GPC6: variants seen among roughly 807,000 people sequenced by gnomAD.
GPC6 encodes the protein glypican-6.
In GPC6, 14 loss-of-function variants were observed where a neutral mutation model predicts 55.2. The observed-to-expected ratio is 0.25, with a 90% confidence interval of 0.17 to 0.40. The LOEUF is 0.40. GPC6 is among the 10% of genes least tolerant of loss of function. The pLI is 1.00. For missense variants in GPC6, 641 were observed against 708.5 expected (o/e 0.90, Z 1.08); for synonymous variants, 278 against 259.6 (o/e 1.07, Z -0.68).
intron 3 of GPC6, among the ~76,000 whole-genome samples, chr13:93,841,195 G>C (rs1887941347): frequency 6.6e-6 from 1 of 152,122 alleles, no homozygotes; most frequent in African/African-American, 2.4e-5. Context: ...AGAGGTTTAT[G>C]AGCCAAGATA....
At chr13:93,225,973 A>G (rs1875765316), upstream of GPC6, among the ~76,000 whole-genome samples, 1 of 152,186 alleles carries the variant, frequency 6.6e-6, no homozygotes, top group Non-Finnish European at 1.5e-5. Flanking sequence ...CTGCCAGCTG[A>G]CTTTAGTGCG....
intron 2 of GPC6, among the ~76,000 whole-genome samples, chr13:93,559,666 T>C (rs987345881): frequency 6.6e-6 from 1 of 152,210 alleles, no homozygotes; most frequent in Non-Finnish European, 1.5e-5. Context: ...ATACAGCGTT[T>C]ATTAAGTAGC....
At chr13:94,154,110 G>A (rs934876072) in intron 4 of GPC6, 7 of 152,058 alleles carry the variant, frequency 4.6e-5, no homozygotes, top group African/African-American at 1.7e-4. Flanking sequence ...ACTAGACTTA[G>A]TTCAGGTATA....
chr13:94,111,411 A>T (rs1315621224), intron 4 of GPC6, among the ~76,000 whole-genome samples: 1 of 151,550 alleles, frequency 6.6e-6, no homozygotes, highest in Non-Finnish European at 1.5e-5. Flanking sequence ...CCACCATGGC[A>T]CATGTATTAC....
At chr13:93,483,360 C>T (rs1400686851) in intron 1 of GPC6, among the ~76,000 whole-genome samples, 2 of 151,990 alleles carry the variant, frequency 1.3e-5, no homozygotes. Context: ...AATCATGTAG[C>T]AGAGATGCTT....
chr13:94,212,598 T>G (rs960943505), intron 4 of GPC6, among the ~76,000 whole-genome samples: 4 of 152,220 alleles, frequency 2.6e-5, no homozygotes, highest in African/African-American at 4.8e-5. Context: ...CTATTTGCAC[T>G]TAACTATTTA....
Position 94,114,015 on chromosome 13 carries a change from T to TA in GPC6, c.877+86141dup, listed in dbSNP as rs781286249. Reference sequence around the variant, plus strand: ...CTGAGTGACAGAACAAGACTCTGTCTAAAAAAAAAAAAAAAAAAAAGCCCA... The same window carrying TA: ...CTGAGTGACAGAACAAGACTCTGTCTAAAAAAAAAAAAAAAAAAAAAGCCCA... On this transcript the variant is annotated intron_variant, in intron 4 of 8. Transcript: ENST00000377047. Among the ~76,000 whole-genome samples the TA allele has an allele frequency of 4.7e-3, 177 of 37,386 alleles. 5 individuals carry two copies. Among genetic ancestry groups the TA allele is most frequent in the East Asian group, 0.011 (15 of 1,326 alleles). 24.5% of individuals were successfully genotyped at this position (37,386 alleles called of 152,430 possible). A position where few individuals can be genotyped will look rare whatever the true frequency, so the allele number is the denominator to read the frequency against.
chr13:93,791,184 A>G (rs1017374018), intron 2 of GPC6, among the ~76,000 whole-genome samples: 1 of 152,144 alleles, frequency 6.6e-6, no homozygotes, highest in Non-Finnish European at 1.5e-5. Flanking sequence ...GGTACTTCTG[A>G]TGTATGTTCC....
At chr13:93,656,499 A>G (rs1880674750) in intron 2 of GPC6, among the ~76,000 whole-genome samples, 2 of 152,074 alleles carry the variant, frequency 1.3e-5, no homozygotes, top group African/African-American at 4.8e-5. Context: ...ATTTCTACAT[A>G]TGGTTTGTAC....
chr13:94,235,297 C>T (rs977419037), intron 4 of GPC6, among the ~76,000 whole-genome samples: 1 of 152,082 alleles, frequency 6.6e-6, no homozygotes, highest in African/African-American at 2.4e-5. Context: ...AATTTTTTAA[C>T]AATCTCTGGG....
chr13:93,901,471 C>T (rs896357883), intron 3 of GPC6, among the ~76,000 whole-genome samples: 1 of 151,980 alleles, frequency 6.6e-6, no homozygotes, highest in Non-Finnish European at 1.5e-5. Flanking sequence ...AAAAGACTCC[C>T]GTTTAAAAAA....
intron 4 of GPC6, among the ~76,000 whole-genome samples, chr13:94,054,157 T>C (rs896500697): frequency 1.3e-5 from 2 of 152,176 alleles, no homozygotes; most frequent in African/African-American, 4.8e-5. Context: ...AAGAGGGGAC[T>C]CTAAACCGAG....
chr13:94,057,357 CCTT>C (rs1884165841), intron 4 of GPC6, among the ~76,000 whole-genome samples: 1 of 152,088 alleles, frequency 6.6e-6, no homozygotes, highest in Admixed American at 6.6e-5. Flanking sequence ...ATTATTGAAA[CCTT>C]AATTTTATCT....
chr13:94,398,964 A>G (rs1881012282), intron 8 of GPC6, among the ~76,000 whole-genome samples: 1 of 152,212 alleles, frequency 6.6e-6, no homozygotes, highest in Admixed American at 6.5e-5. Context: ...TCCTGTCCTC[A>G]TCACTATTCA....
chr13:94,255,434 T>C (rs1274930453), intron 4 of GPC6, among the ~76,000 whole-genome samples: 5 of 152,130 alleles, frequency 3.3e-5, no homozygotes, highest in Non-Finnish European at 7.4e-5. Context: ...TTTACCACTA[T>C]AGAAACAGGG....
chr13:93,716,505 T>TA (rs940137853), intron 2 of GPC6, among the ~76,000 whole-genome samples: 123 of 149,698 alleles, frequency 8.2e-4, no homozygotes, highest in African/African-American at 2.6e-3. Context: ...AATTAAAATG[T>TA]AAAAAAAAAG....
At chr13:93,495,817 T>C (rs1407594620) in intron 1 of GPC6, among the ~76,000 whole-genome samples, 5 of 146,944 alleles carry the variant, frequency 3.4e-5, no homozygotes, top group Middle Eastern at 3.4e-3. Context: ...CTGGGGGGTG[T>C]CTCCCAGTTA....
At position 94,306,012 on chromosome 13, in the gene GPC6, T is replaced by A; in HGVS notation, c.1041T>A (p.Ala347=). The A allele has an allele frequency of 6.2e-7, 1 of 1,614,128 alleles. No homozygotes were observed. Residue 347 remains alanine, a synonymous_variant, in exon 6 of 9, where the codon GCT becomes GCA. Transcript: ENST00000377047. The part of the protein sequence containing the change: ...VFQGCGQPKP[A]PALRSARSAP... The stretch of plus-strand genomic sequence containing the variant: ...AGGGATGTGGTCAGCCCAAACCTGC[T>A]CCAGCCCTCAGATCTGCCCGCTCAG...
chr13:93,510,118 G>T (rs2028787), intron 1 of GPC6, among the ~76,000 whole-genome samples: 42,051 of 151,754 alleles, frequency 0.28, 6,003 homozygotes, highest in South Asian at 0.32. Flanking sequence ...AACCAATTTT[G>T]GCATAATTTT....
Sources: allele counts gnomAD v4.1 joint callset (sites outside exome capture counted in the v4.1 genomes callset), GRCh38; gene constraint gnomAD v4.1.1; transcripts MANE v1.5; gene names NCBI Gene and HGNC (gene_info 2026-07-23, HGNC 2026-07-21).